ADAMTS7: variants seen among roughly 807,000 people sequenced by gnomAD.
ADAMTS7 encodes ADAM metallopeptidase with thrombospondin type 1 motif 7.
A neutral mutation model predicts 172.6 loss-of-function variants in ADAMTS7; 89 were observed. The ratio of observed to expected loss-of-function variants is 0.52; its 90% CI spans 0.43 to 0.61. The LOEUF is 0.61. Among genes scored for constraint, ADAMTS7 ranks in the 20% least tolerant of loss-of-function variants. ADAMTS7 has a pLI of 0.00. For synonymous variants in ADAMTS7, 885 were observed against 978.4 expected, an observed-to-expected ratio of 0.90 and a Z score of 1.78; for missense variants, 1,973 against 2,355.6, an observed-to-expected ratio of 0.84 and a Z score of 3.36.
Position 78,800,178 on chromosome 15 carries a change from C to A in ADAMTS7, c.456+14G>T. 1 of 1,588,896 alleles carries A rather than the reference C, an allele frequency of 6.3e-7. No individual in the cohort carries two copies. On this transcript the variant is annotated intron_variant, in intron 2 of 23. Coordinates refer to ENST00000388820, the MANE Select transcript of ADAMTS7 (RefSeq NM_014272.5). ...CCGAGACTGCCCCAAGTATACATGTCCCAGCTCACTCACCAGGCCGTCGCA... is the reference window on the plus strand; with the variant it reads ...CCGAGACTGCCCCAAGTATACATGTACCAGCTCACTCACCAGGCCGTCGCA...
chr15:78,762,532 G>A lies in ADAMTS7; in HGVS notation c.4774C>T (p.Arg1592Cys), dbSNP rs751363176. The change falls in exon 23 of 24, where the codon CGC becomes TGC. Residue 1592 changes from arginine (R) to cysteine (C), a missense_variant. Transcript: ENST00000388820. ...TGGGTGTTGACACACTTGACCAGGC[G>A]CCGCTGGACACCACCACCACAGGGG... ...SGPCGGGVQR[R>C]LVKCVNTQTG... 14 of 1,567,170 alleles carry A rather than the reference G, an allele frequency of 8.9e-6. No individual in the cohort carries two copies. Among genetic ancestry groups the A allele is most frequent in the South Asian group, 3.5e-5 (3 of 85,340 alleles).
Position 78,778,238 on chromosome 15 carries a change from G to A in ADAMTS7, c.1323-650C>T, listed in dbSNP as rs550949707. Among the ~76,000 whole-genome samples the A allele has an allele frequency of 7.2e-5, 11 of 152,358 alleles. No homozygotes were observed. The South Asian group carries it at 8.3e-4, about 11-fold the overall frequency. On this transcript the variant is annotated intron_variant, in intron 8 of 23. Coordinates refer to ENST00000388820, the MANE Select transcript of ADAMTS7 (RefSeq NM_014272.5). ...TGGCAGACACAAGCAGGCGCCATCTGTGTCCACCACACACTCCTGCTGCTG... is the reference window on the plus strand; with the variant it reads ...TGGCAGACACAAGCAGGCGCCATCTATGTCCACCACACACTCCTGCTGCTG...
At chr15:78,764,135 TGTGCA>T in intron 20 of ADAMTS7, 36 bp from the exon 21 acceptor site, 1 of 1,482,250 alleles carries the variant, frequency 6.7e-7, no homozygotes, top group South Asian at 1.4e-5. Context: ...CACATCCCCA[TGTGCA>T]GGCCCACAGG....
intron 8 of ADAMTS7, among the ~76,000 whole-genome samples, chr15:78,784,920 C>T (rs2055480584): frequency 6.6e-6 from 1 of 151,688 alleles, no homozygotes. Context: ...TACCTCCATG[C>T]ACTCTTTCTC....
chr15:78,789,703 G>A lies in ADAMTS7; in HGVS notation c.1164C>T (p.His388=), dbSNP rs377263239. The change falls in exon 7 of 24, where the codon CAC becomes CAT. Residue 388 remains histidine (H), a synonymous_variant. Coordinates refer to ENST00000388820, the MANE Select transcript of ADAMTS7 (RefSeq NM_014272.5). ...TGLPLAFTVA[H]ELGHSFGIQH... Reference sequence around the variant, plus strand: ...AGGCACAGTACCTGTGCCCGAGCTCGTGGGCTACAGTGAAGGCCAGCGGCA... The same window carrying A: ...AGGCACAGTACCTGTGCCCGAGCTCATGGGCTACAGTGAAGGCCAGCGGCA... 1.1e-4 allele frequency: 179 copies of A among 1,613,704 alleles called. No individual in the cohort carries two copies. The highest frequency in any genetic ancestry group is 8.9e-5 in the East Asian group (4 of 44,898).
chr15:78,797,649 A>G (rs576391969), intron 3 of ADAMTS7, among the ~76,000 whole-genome samples: 1 of 152,192 alleles, frequency 6.6e-6, no homozygotes, highest in Non-Finnish European at 1.5e-5. Flanking sequence ...AGAGCCAGGT[A>G]CCATAGGCTG....
intron 1 of ADAMTS7, 109 bp downstream of exon 1, chr15:78,811,012 C>A: frequency 2.6e-6 from 3 of 1,137,848 alleles, no homozygotes; most frequent in South Asian, 8.9e-5. Flanking sequence ...CAACTCCAGG[C>A]ACAGCGGAGC....
Position 78,771,609 on chromosome 15 carries a change from G to A in ADAMTS7, c.2352C>T (p.Pro784=), listed in dbSNP as rs1274020281. The A allele has an allele frequency of 1.3e-6, 2 of 1,599,756 alleles. No homozygotes were observed. Among genetic ancestry groups the A allele is most frequent in the Non-Finnish European group, 1.7e-6 (2 of 1,178,788 alleles). ...CCTGGATCCAGACAGGCTCCTTGGT[G>A]GGACCCGGGGACGTGAGGTTCTCCC... The part of the protein sequence containing the change: ...GNWENLTSPG[P]TKEPVWIQLL... Residue 784 remains proline (P), a synonymous_variant, in exon 15 of 24, where the codon CCC becomes CCT. Transcript: ENST00000388820. The surrounding 1 kb of genome is among the most constrained non-coding windows in gnomAD (Gnocchi z 4.9).
intron 8 of ADAMTS7, among the ~76,000 whole-genome samples, chr15:78,783,714 A>G (rs1025529360): frequency 6.6e-6 from 1 of 152,260 alleles, no homozygotes; most frequent in Admixed American, 6.5e-5. Flanking sequence ...TACTGTACCC[A>G]TGAAACAAGA....
At position 78,767,461 on chromosome 15, in the gene ADAMTS7, T is replaced by C; in HGVS notation, c.2777A>G (p.His926Arg). Residue 926 changes from histidine to arginine, a missense_variant, in exon 18 of 24, where the codon CAC (histidine) becomes CGC (arginine). By Grantham distance (29) the His-to-Arg change is conservative. Transcript: ENST00000388820. Reference protein sequence around the residue: ...QSALEPPACEHLPRPPTETPC... With the variant: ...QSALEPPACERLPRPPTETPC... ...GGTTTCAGTAGGGGGCCGGGGAAGG[T>C]GTTCACAGGCGGGTGGCTCCAGGGC... The C allele has an allele frequency of 3.1e-6, 5 of 1,611,638 alleles. No homozygotes were observed. The highest frequency in any genetic ancestry group is 3.4e-6 in the Non-Finnish European group (4 of 1,179,756).
At chr15:78,794,709 T>TTTTTTG (rs917754674) in intron 4 of ADAMTS7, among the ~76,000 whole-genome samples, 1 of 152,210 alleles carries the variant, frequency 6.6e-6, no homozygotes, top group South Asian at 2.1e-4. Flanking sequence ...GGGCAGGTCT[T>TTTTTTG]TTTTTGTTTT....
At chr15:78,761,860 C>A in intron 23 of ADAMTS7, 1 of 985,370 alleles carries the variant, frequency 1.0e-6, no homozygotes, top group Non-Finnish European at 1.2e-6. Flanking sequence ...AACCCCCCAC[C>A]ACTGGGATTA....
In ADAMTS7 at chr15:78,797,982, A is replaced by G; in HGVS notation, c.588T>C (p.Gly196=). 1 of 1,593,018 alleles carries G rather than the reference A, an allele frequency of 6.3e-7. No individual in the cohort carries two copies. Among genetic ancestry groups the G allele is most frequent in the Non-Finnish European group, 8.5e-7 (1 of 1,172,092 alleles). ...CACAGGTGCTTGGAGCACTGGAATC[A>G]CCCCGCTGTGCCAGCCTCTCCGGGG... is the stretch of plus-strand genomic sequence containing the variant. ...RQAPERLAQR[G]DSSAPSTCGV... Residue 196 remains glycine, a synonymous_variant, in exon 3 of 24, where the codon GGT becomes GGC. Coordinates refer to ENST00000388820, the MANE Select transcript of ADAMTS7 (RefSeq NM_014272.5).
chr15:78,774,524 G>A (rs1185369112), intron 12 of ADAMTS7, 100 bp downstream of exon 12: 4 of 1,567,884 alleles, frequency 2.6e-6, no homozygotes, highest in African/African-American at 2.7e-5. Context: ...CCCAGGCTTG[G>A]GGTGAAGACT....
At position 78,802,659 on chromosome 15, in the gene ADAMTS7, A is replaced by C. The variant is rs562341901; in HGVS notation, c.101-2112T>G. On this transcript the variant is annotated intron_variant, in intron 1 of 23. Transcript: ENST00000388820. ...TGGATTCTTATCCTTTTTTGCCACA[A>C]ACCCCTTCTCCTCAGAACAATGTTT... 5.4e-4 allele frequency among the ~76,000 whole-genome samples: 82 copies of C among 152,218 alleles called. 2 individuals carry two copies. In the South Asian group the frequency reaches 0.016, roughly 29 times the overall value.
At chr15:78,779,568 C>A (rs996737827) in intron 8 of ADAMTS7, among the ~76,000 whole-genome samples, 1 of 152,154 alleles carries the variant, frequency 6.6e-6, no homozygotes, top group Non-Finnish European at 1.5e-5. Context: ...AAAGGAGTGT[C>A]CCAAGTGCTC....
At chr15:78,764,223 C>T (rs925997345) in intron 20 of ADAMTS7, 124 bp from the exon 21 acceptor site, 29 of 1,345,038 alleles carry the variant, frequency 2.2e-5, no homozygotes, top group South Asian at 3.1e-5. Context: ...AGCTGAAGAA[C>T]CCCAGCGAGA....
intron 22 of ADAMTS7, among the ~76,000 whole-genome samples, chr15:78,763,400 C>T (rs1037704596): frequency 1.3e-5 from 2 of 152,260 alleles, no homozygotes; most frequent in Admixed American, 1.3e-4. Flanking sequence ...TCATTCCTGC[C>T]TCAGACTTCA....
At chr15:78,794,127 T>G (rs1182368507) in intron 4 of ADAMTS7, among the ~76,000 whole-genome samples, 1 of 152,146 alleles carries the variant, frequency 6.6e-6, no homozygotes, top group Non-Finnish European at 1.5e-5. Context: ...TAATCCCAGC[T>G]ACTCAGGAGA....
Sources: gnomAD v4.1 joint callset for allele counts (sites outside exome capture counted in the v4.1 genomes callset) on GRCh38, gnomAD v4.1.1 for gene constraint, Gnocchi (gnomAD v3.1) non-coding constraint, MANE v1.5 for transcripts, NCBI Gene and HGNC (gene_info 2026-07-23, HGNC 2026-07-21) for gene names.